Variants in UPF3A observed in about 807,000 individuals in gnomAD.
UPF3A encodes regulator of nonsense transcripts 3A.
A neutral mutation model predicts 53.5 loss-of-function variants in UPF3A; 42 were observed. The ratio of observed to expected loss-of-function variants is 0.78; its 90% CI spans 0.61 to 1.01. The LOEUF (loss-of-function observed/expected upper bound fraction) is 1.01, where lower values mean the gene tolerates loss of function less well. Among genes scored for constraint, UPF3A ranks in the 50% least tolerant of loss-of-function variants. The pLI is 0.00. For synonymous variants in UPF3A, 237 were observed against 225.3 expected (o/e 1.05, Z -0.47); for missense variants, 575 against 598.0 (o/e 0.96, Z 0.40).
intron 7 of UPF3A, among the ~76,000 whole-genome samples, chr13:114,293,056 AG>A (rs2085474479): frequency 7.6e-6 from 1 of 131,666 alleles, no homozygotes; most frequent in Non-Finnish European, 1.6e-5. Flanking sequence ...TGGGCGACAG[AG>A]CAAGACTCCC....
intron 2 of UPF3A, 71 bp from the exon 3 acceptor site, chr13:114,282,766 G>C (rs1274207834): frequency 1.0e-5 from 16 of 1,552,574 alleles, no homozygotes; most frequent in Non-Finnish European, 1.4e-5. Context: ...GCCCAGAAAA[G>C]GAAAAAGAGG....
At chr13:114,286,709 A>T in intron 5 of UPF3A, 80 bp downstream of exon 5, 1 of 1,168,126 alleles carries the variant, frequency 8.6e-7, no homozygotes, top group Non-Finnish European at 1.2e-6. Context: ...CTTTTTCTTG[A>T]CTGTGATAAC....
chr13:114,292,630 G>A (rs971715137), intron 7 of UPF3A, among the ~76,000 whole-genome samples: 2 of 149,650 alleles, frequency 1.3e-5, no homozygotes, highest in Non-Finnish European at 2.9e-5. Flanking sequence ...ACGTGCAGGT[G>A]TGTTACGTGT....
intron 3 of UPF3A, chr13:114,284,945 C>G (rs1235442102): frequency 6.6e-6 from 1 of 152,280 alleles, no homozygotes; most frequent in Non-Finnish European, 1.5e-5. Context: ...GAGCCGCTGC[C>G]CTGCCGTTGT....
chr13:114,299,171 T>C (rs1263338628), intron 8 of UPF3A, among the ~76,000 whole-genome samples, 171 bp downstream of exon 8: 1 of 152,202 alleles, frequency 6.6e-6, no homozygotes, highest in Non-Finnish European at 1.5e-5. Flanking sequence ...CGTAGTGAAC[T>C]CGTCTTGTCT....
chr13:114,286,016 C>T (rs1314626783), intron 3 of UPF3A: 4 of 366,654 alleles, frequency 1.1e-5, no homozygotes, highest in Non-Finnish European at 2.0e-5. Context: ...ATGCAACCAC[C>T]ACAACATGAT....
intron 7 of UPF3A, among the ~76,000 whole-genome samples, chr13:114,295,582 G>A (rs6560951): frequency 0.58 from 88,548 of 152,032 alleles, 26,528 homozygotes; most frequent in African/African-American, 0.73. Flanking sequence ...GCCCTCCTGG[G>A]CCCTCCTCTT....
chr13:114,295,140 C>T (rs903083890), intron 7 of UPF3A, among the ~76,000 whole-genome samples: 9 of 151,374 alleles, frequency 5.9e-5, no homozygotes, highest in Non-Finnish European at 8.8e-5. Context: ...AAAAGAAATA[C>T]GGCACACAGA....
Position 114,281,833 on chromosome 13 carries a change from C to T in UPF3A, c.194C>T (p.Thr65Met), listed in dbSNP as rs775169372. The change falls in exon 1 of 10, where the codon ACG (threonine) becomes ATG (methionine). Residue 65 changes from threonine to methionine, a missense_variant. Physicochemically the swap from Thr to Met is moderately conservative, Grantham distance 81. Transcript: ENST00000375299. ...GGCAAACCTCGCGAGGAGAAGAGGA[C>T]GGCCCTGAGCAAGGTGGGGACGGGG... Reference protein sequence around the residue: ...GAGKPREEKRTALSKVVIRRL... With the variant: ...GAGKPREEKRMALSKVVIRRL... 1 of 1,534,064 alleles carries T rather than the reference C, an allele frequency of 6.5e-7. No individual in the cohort carries two copies. The highest frequency in any genetic ancestry group is 8.8e-7 in the Non-Finnish European group (1 of 1,139,010).
intron 7 of UPF3A, 79 bp from the exon 8 acceptor site, chr13:114,298,761 T>C: frequency 7.7e-7 from 1 of 1,302,928 alleles, no homozygotes; most frequent in Non-Finnish European, 1.0e-6. Flanking sequence ...TATTGGGGTA[T>C]ATTTGTAATT....
chr13:114,285,065 T>G (rs1228623175), intron 3 of UPF3A: 1 of 152,260 alleles, frequency 6.6e-6, no homozygotes, highest in Non-Finnish European at 1.5e-5. Flanking sequence ...GTTTTATGGT[T>G]TCAGGTCTTA....
At chr13:114,289,550 C>T (rs916923549) in intron 5 of UPF3A, among the ~76,000 whole-genome samples, 13 of 151,054 alleles carry the variant, frequency 8.6e-5, no homozygotes, top group African/African-American at 3.2e-4. Flanking sequence ...AAATTTTAGG[C>T]AATTCATGGC....
At chr13:114,290,566 G>A (rs868757352) in intron 5 of UPF3A, among the ~76,000 whole-genome samples, 1 of 152,148 alleles carries the variant, frequency 6.6e-6, no homozygotes, top group African/African-American at 2.4e-5. Flanking sequence ...GGCCTGTGGG[G>A]CCTCTAGCTT....
At chr13:114,299,078 A>AT in intron 8 of UPF3A, 78 bp downstream of exon 8, 1 of 1,370,144 alleles carries the variant, frequency 7.3e-7, no homozygotes, top group Non-Finnish European at 9.6e-7. Flanking sequence ...GAGTATGCCT[A>AT]TTTCACACTG....
intron 7 of UPF3A, 101 bp from the exon 8 acceptor site, chr13:114,298,739 A>T: frequency 1.7e-6 from 2 of 1,193,910 alleles, no homozygotes; most frequent in Non-Finnish European, 2.2e-6. Flanking sequence ...CTGTGCAAAC[A>T]TTTGGCTTCA....
intron 5 of UPF3A, 23 bp downstream of exon 5, chr13:114,286,652 C>T (rs368352413): frequency 1.6e-5 from 25 of 1,567,762 alleles, no homozygotes; most frequent in Non-Finnish European, 2.2e-5. Flanking sequence ...CATTTCTTCT[C>T]TTTTCTTTAT....
chr13:114,302,565 C>T (rs2139371881), intron 9 of UPF3A, among the ~76,000 whole-genome samples: 1 of 152,288 alleles, frequency 6.6e-6, no homozygotes, highest in South Asian at 2.1e-4. Context: ...GCACCAGGCC[C>T]CACCCTGGCC....
intron 8 of UPF3A, 28 bp downstream of exon 8, chr13:114,299,028 C>A (rs368615697): frequency 2.6e-6 from 4 of 1,556,100 alleles, no homozygotes; most frequent in Non-Finnish European, 2.6e-6. Context: ...GTTATGACCA[C>A]GTCAGCTCCC....
In UPF3A at chr13:114,301,720, T is replaced by G. The variant is rs2086626026; in HGVS notation, c.1008-11T>G. On this transcript the variant is annotated splice_polypyrimidine_tract_variant and intron_variant, in intron 8 of 9. Coordinates refer to ENST00000375299, the MANE Select transcript of UPF3A (RefSeq NM_023011.4). The stretch of plus-strand genomic sequence containing the variant: ...TTACTGCAGTTGCTGATCATTTGTG[T>G]TGAATCATAGGTCACACAGCGGCAG... The G allele has an allele frequency of 6.2e-7, 1 of 1,600,004 alleles. No individual in the cohort carries two copies. The highest frequency in any genetic ancestry group is 1.3e-5 in the African/African-American group (1 of 74,650).
Sources: gnomAD v4.1 joint callset for allele counts (sites outside exome capture counted in the v4.1 genomes callset) on GRCh38, gnomAD v4.1.1 for gene constraint, MANE v1.5 for transcripts, NCBI Gene and HGNC (gene_info 2026-07-23, HGNC 2026-07-21) for gene names.